The following MMP26 variants were observed in gnomAD, a reference collection of about 807,000 sequenced individuals.
MMP26 encodes matrix metallopeptidase 26.
In MMP26, 33 loss-of-function variants were observed where a neutral mutation model predicts 31.0. The observed-to-expected ratio is 1.06, with a 90% CI of 0.81 to 1.42. The LOEUF (loss-of-function observed/expected upper bound fraction) is 1.42, where lower values mean the gene tolerates loss of function less well. Ranked by LOEUF, MMP26 falls within the 40% of genes most tolerant of loss-of-function variation. The probability of loss-of-function intolerance (pLI) is 0.00; values close to 1 mark genes in which losing one functional copy is unlikely to be tolerated. For synonymous variants in MMP26, 122 were observed against 114.9 expected, an observed-to-expected ratio of 1.06 and a Z score of -0.40; for missense variants, 347 against 316.1, an observed-to-expected ratio of 1.10 and a Z score of -0.74.
At chr11:4,906,374 T>G (rs945021712) in intron 2 of MMP26, among the ~76,000 whole-genome samples, 2 of 152,204 alleles carry the variant, frequency 1.3e-5, no homozygotes, top group Admixed American at 1.3e-4. Context: ...GTATTCATTT[T>G]ACAGATTTAA....
intron 2 of MMP26, among the ~76,000 whole-genome samples, chr11:4,775,547 C>T (rs2133427001): frequency 6.6e-6 from 1 of 152,150 alleles, no homozygotes; most frequent in African/African-American, 2.4e-5. Flanking sequence ...GTTTTGTGTT[C>T]CTGTAAAAGA....
chr11:4,773,122 G>T (rs752132759), intron 2 of MMP26, among the ~76,000 whole-genome samples: 2 of 152,166 alleles, frequency 1.3e-5, no homozygotes, highest in Non-Finnish European at 2.9e-5. Flanking sequence ...CCAAATATCT[G>T]TGACGGTCAG....
rs374266083 is a variant in MMP26 at position 4,849,232 on chromosome 11, C to G, written c.-145+81891C>G. 2.5e-5 allele frequency: 39 copies of G among 1,565,532 alleles called. 1 individual carries two copies. In the African/African-American group the frequency reaches 5.2e-4, roughly 21 times the overall value. ...ATAGTTCAGGATTCCACGTTGAACT[C>G]TGGAACCTGAAAAATGATTAGAAAG... On this transcript the variant is annotated intron_variant, in intron 2 of 7. Transcript: ENST00000380390.
intron 2 of MMP26, among the ~76,000 whole-genome samples, chr11:4,897,099 T>TACAC (rs34497707): frequency 9.3e-5 from 14 of 150,600 alleles, no homozygotes; most frequent in South Asian, 2.1e-4. Flanking sequence ...AGTATATGTA[T>TACAC]ACACACACAC....
chr11:4,903,204 T>C (rs529455892), intron 2 of MMP26, among the ~76,000 whole-genome samples: 4 of 152,072 alleles, frequency 2.6e-5, no homozygotes, highest in Non-Finnish European at 4.4e-5. Flanking sequence ...ACGGTTCTAG[T>C]GAATGCAATA....
intron 2 of MMP26, chr11:4,912,724 T>C (rs1851010110): frequency 6.6e-6 from 1 of 152,210 alleles, no homozygotes; most frequent in Non-Finnish European, 1.5e-5. Flanking sequence ...AGCTATAACC[T>C]AGGCAGCTGT....
intron 1 of MMP26, among the ~76,000 whole-genome samples, chr11:4,716,136 C>T (rs1847927318): frequency 6.6e-6 from 1 of 152,200 alleles, no homozygotes; most frequent in Non-Finnish European, 1.5e-5. Context: ...GAACTAAATT[C>T]CTACGGCAAT....
At chr11:4,727,549 C>T (rs1226523931) in intron 1 of MMP26, among the ~76,000 whole-genome samples, 4 of 152,200 alleles carry the variant, frequency 2.6e-5, no homozygotes, top group Non-Finnish European at 5.9e-5. Context: ...GTGGCTCATG[C>T]CTGTTATCCC....
chr11:4,943,446 G>C, intron 2 of MMP26: 1 of 455,776 alleles, frequency 2.2e-6, no homozygotes, highest in South Asian at 1.6e-5. Flanking sequence ...TAACCATGGG[G>C]CTTAATCATT....
Position 4,990,541 on chromosome 11 carries a change from G to C in MMP26, c.321-57G>C, listed in dbSNP as rs544610090. ...CCCAAAGTAGAATTATTCATGTTTAGAGCTAGGATAATTCCCATTCCTCTG... is the reference window on the plus strand; with the variant it reads ...CCCAAAGTAGAATTATTCATGTTTACAGCTAGGATAATTCCCATTCCTCTG... On this transcript the variant is annotated intron_variant, in intron 4 of 7. Coordinates refer to ENST00000380390, the MANE Select transcript of MMP26 (RefSeq NM_021801.5). The C allele has an allele frequency of 2.1e-4, 308 of 1,493,094 alleles. 1 individual carries two copies. In the African/African-American group the frequency reaches 4.0e-3, roughly 19 times the overall value. The allele number at this position is 1,493,094 out of a possible 1,614,324, so 92.5% of individuals were successfully genotyped here. A position where few individuals can be genotyped will look rare whatever the true frequency, so the allele number is the denominator to read the frequency against.
chr11:4,794,819 C>G (rs1051155925), intron 2 of MMP26: 7 of 152,336 alleles, frequency 4.6e-5, no homozygotes, highest in Non-Finnish European at 5.9e-5. Context: ...CAGGCCTATT[C>G]CATGTACTTT....
chr11:4,710,110 G>C (rs1189658448), intron 1 of MMP26: 1 of 456,650 alleles, frequency 2.2e-6, no homozygotes, highest in Non-Finnish European at 4.4e-6. Context: ...CATTCCTACT[G>C]CTTCCACCCT....
chr11:4,735,672 A>G (rs1193975247), intron 1 of MMP26, among the ~76,000 whole-genome samples: 1 of 152,192 alleles, frequency 6.6e-6, no homozygotes, highest in Admixed American at 6.6e-5. Context: ...CCACTCTGTA[A>G]TATTGTTTAG....
chr11:4,885,748 T>G (rs1209181483), intron 2 of MMP26, among the ~76,000 whole-genome samples: 1 of 152,164 alleles, frequency 6.6e-6, no homozygotes, highest in African/African-American at 2.4e-5. Flanking sequence ...ATAGTTTACA[T>G]GCAAAGGTAT....
intron 2 of MMP26, among the ~76,000 whole-genome samples, chr11:4,977,263 G>C (rs1486537106): frequency 6.6e-6 from 1 of 152,016 alleles, no homozygotes; most frequent in East Asian, 1.9e-4. Context: ...AGCTATGAGG[G>C]AAAAAAGGAA....
chr11:4,911,704 G>T (rs1026181567), intron 2 of MMP26, among the ~76,000 whole-genome samples: 5 of 151,926 alleles, frequency 3.3e-5, no homozygotes, highest in African/African-American at 1.2e-4. Context: ...GTTCAGAAAA[G>T]CCCCTCTTTA....
At chr11:4,764,754 T>A (rs542381029) in intron 1 of MMP26, among the ~76,000 whole-genome samples, 3 of 152,196 alleles carry the variant, frequency 2.0e-5, no homozygotes, top group East Asian at 3.9e-4. Flanking sequence ...GCGCCTGTAG[T>A]CCCAGCTACT....
At chr11:4,741,608 T>C (rs540283175) in intron 1 of MMP26, among the ~76,000 whole-genome samples, 1 of 108,880 alleles carries the variant, frequency 9.2e-6, no homozygotes, top group South Asian at 3.1e-4. Flanking sequence ...TGAGAACACA[T>C]GGACACAGGG....
At chr11:4,868,748 C>A (rs190370841) in intron 2 of MMP26, among the ~76,000 whole-genome samples, 8 of 152,190 alleles carry the variant, frequency 5.3e-5, no homozygotes, top group African/African-American at 1.9e-4. Context: ...AAAAAAGAGC[C>A]CACATTGCCA....
Sources: gnomAD v4.1 joint callset for allele counts (sites outside exome capture counted in the v4.1 genomes callset) on GRCh38, gnomAD v4.1.1 for gene constraint, MANE v1.5 for transcripts, NCBI Gene and HGNC (gene_info 2026-07-23, HGNC 2026-07-21) for gene names.